The following CADM2 variants were observed in gnomAD, a reference collection of about 807,000 sequenced individuals.
CADM2 encodes immunoglobulin superfamily member 4D.
CADM2 carries 12 observed loss-of-function variants against 49.8 expected under a neutral mutation model. That is an observed-to-expected ratio of 0.24 (90% CI 0.15 to 0.39). CADM2 has a LOEUF of 0.39. Among genes scored for constraint, CADM2 ranks in the 10% least tolerant of loss-of-function variants. The pLI, the probability that CADM2 is intolerant of heterozygous loss-of-function variation, is 1.00. For synonymous variants in CADM2, 214 were observed against 175.4 expected, an observed-to-expected ratio of 1.22 and a Z score of -1.74; for missense variants, 378 against 492.3, an observed-to-expected ratio of 0.77 and a Z score of 2.20.
intron 3 of CADM2, among the ~76,000 whole-genome samples, chr3:85,821,819 AAAT>A (rs1202682156): frequency 9.8e-5 from 15 of 152,318 alleles, no homozygotes; most frequent in East Asian, 5.8e-4. Flanking sequence ...CTATAAAACA[AAAT>A]AATAAGGCAT....
At chr3:85,955,072 A>T (rs1723887129) in intron 7 of CADM2, among the ~76,000 whole-genome samples, 1 of 151,406 alleles carries the variant, frequency 6.6e-6, no homozygotes, top group Non-Finnish European at 1.5e-5. Context: ...GCATAAAGTT[A>T]CTGACTATAT....
At chr3:85,867,119 A>T (rs2075752074) in intron 3 of CADM2, among the ~76,000 whole-genome samples, 1 of 152,132 alleles carries the variant, frequency 6.6e-6, no homozygotes, top group East Asian at 1.9e-4. Context: ...TAGAGAAGTA[A>T]AGCATCTTTA....
chr3:85,448,783 G>A (rs1275789084), intron 1 of CADM2, among the ~76,000 whole-genome samples: 1 of 151,906 alleles, frequency 6.6e-6, no homozygotes, highest in East Asian at 1.9e-4. Flanking sequence ...GGGCGTGGTG[G>A]CTCACACCTG....
intron 1 of CADM2, among the ~76,000 whole-genome samples, chr3:85,199,523 A>G (rs2041438739): frequency 6.6e-6 from 1 of 151,852 alleles, no homozygotes; most frequent in South Asian, 2.1e-4. Flanking sequence ...TTAAAAGTAA[A>G]TATAACTTTT....
At chr3:85,842,874 CAA>C (rs1199888264) in intron 3 of CADM2, among the ~76,000 whole-genome samples, 1 of 151,942 alleles carries the variant, frequency 6.6e-6, no homozygotes, top group Non-Finnish European at 1.5e-5. Flanking sequence ...ATATTATACA[CAA>C]AAGTTATTTA....
At chr3:85,531,484 A>G (rs978156625) in intron 1 of CADM2, among the ~76,000 whole-genome samples, 3 of 152,222 alleles carry the variant, frequency 2.0e-5, no homozygotes, top group African/African-American at 7.2e-5. Flanking sequence ...GAGGTTAAAA[A>G]AGTGTAAAAT....
At chr3:85,873,203 A>G (rs80104833) in intron 3 of CADM2, among the ~76,000 whole-genome samples, 11 of 152,160 alleles carry the variant, frequency 7.2e-5, no homozygotes, top group African/African-American at 2.4e-4. Flanking sequence ...TTAAATTTCA[A>G]TGTGAGCTTT....
intron 1 of CADM2, among the ~76,000 whole-genome samples, chr3:85,322,028 C>A (rs1457775834): frequency 6.6e-6 from 1 of 152,062 alleles, no homozygotes; most frequent in Non-Finnish European, 1.5e-5. Flanking sequence ...AGGCAAAACA[C>A]CAAACATTTT....
At chr3:85,477,920 T>C (rs1240217333) in intron 1 of CADM2, among the ~76,000 whole-genome samples, 1 of 151,976 alleles carries the variant, frequency 6.6e-6, no homozygotes, top group African/African-American at 2.4e-5. Flanking sequence ...TTTAAAGATC[T>C]ATTTATTTAA....
At chr3:85,684,729 C>G (rs1424085147) in intron 1 of CADM2, among the ~76,000 whole-genome samples, 2 of 152,100 alleles carry the variant, frequency 1.3e-5, no homozygotes, top group Non-Finnish European at 2.9e-5. Flanking sequence ...AGGGGAAACC[C>G]CTTATAAAAT....
intron 1 of CADM2, among the ~76,000 whole-genome samples, chr3:85,574,259 A>C (rs756621358): frequency 1.1e-4 from 16 of 152,222 alleles, no homozygotes; most frequent in Non-Finnish European, 2.2e-4. Flanking sequence ...AATCATAAAC[A>C]AAGGATGGAT....
chr3:85,162,948 A>G (rs1295802367), intron 1 of CADM2, among the ~76,000 whole-genome samples: 1 of 152,054 alleles, frequency 6.6e-6, no homozygotes, highest in African/African-American at 2.4e-5. Context: ...ATAGACATAT[A>G]TATATATATG....
At chr3:85,405,901 G>A (rs9876764) in intron 1 of CADM2, among the ~76,000 whole-genome samples, 13,522 of 150,922 alleles carry the variant, frequency 0.09, 1,969 homozygotes, top group African/African-American at 0.31. Context: ...GTGTGACAGC[G>A]TGAGACCCTG....
intron 1 of CADM2, among the ~76,000 whole-genome samples, chr3:85,515,545 CCCG>C: frequency 6.7e-6 from 1 of 149,038 alleles, no homozygotes; most frequent in African/African-American, 2.5e-5. Context: ...GCCTCAGCCT[CCCG>C]AGTAGCTGGG....
intron 1 of CADM2, among the ~76,000 whole-genome samples, chr3:85,083,231 A>T (rs570219764): frequency 9.5e-4 from 145 of 152,276 alleles, no homozygotes; most frequent in African/African-American, 3.4e-3. Flanking sequence ...GTCAACTCTT[A>T]ATCTTGATAA....
chr3:85,776,544 A>G (rs1412870763), intron 2 of CADM2, among the ~76,000 whole-genome samples: 1 of 152,038 alleles, frequency 6.6e-6, no homozygotes, highest in Non-Finnish European at 1.5e-5. Context: ...CATTTAATGT[A>G]AGATCTAGTT....
At chr3:85,574,771 A>T (rs965775348) in intron 1 of CADM2, among the ~76,000 whole-genome samples, 1 of 152,128 alleles carries the variant, frequency 6.6e-6, no homozygotes, top group Non-Finnish European at 1.5e-5. Context: ...CTTATTTTTC[A>T]AATTAGAGGA....
chr3:85,663,839 C>T (rs2107616208), intron 1 of CADM2, among the ~76,000 whole-genome samples: 1 of 152,070 alleles, frequency 6.6e-6, no homozygotes, highest in South Asian at 2.1e-4. Context: ...GTGGTTTATG[C>T]TATCTGTACT....
At chr3:86,055,451 C>CTTTTTTTTTTTTTTTTTTT (rs57606781) in intron 8 of CADM2, among the ~76,000 whole-genome samples, 2 of 87,480 alleles carry the variant, frequency 2.3e-5, no homozygotes, top group African/African-American at 4.3e-5. Context: ...GGCATCCCCT[C>CTTTTTTTTTTTTTTTTTTT]TTTTTTTTTT....
Sources: allele counts gnomAD v4.1 joint callset (sites outside exome capture counted in the v4.1 genomes callset), GRCh38; gene constraint gnomAD v4.1.1; transcripts MANE v1.5; gene names NCBI Gene and HGNC (gene_info 2026-07-23, HGNC 2026-07-21).